The following WWOX variants were observed in gnomAD, a reference collection of about 807,000 sequenced individuals.
The protein encoded by WWOX is WW domain-containing oxidoreductase.
A neutral mutation model predicts 46.2 loss-of-function variants in WWOX; 69 were observed. The ratio of observed to expected loss-of-function variants is 1.49; its 90% CI spans 1.23 to 1.82. WWOX has a LOEUF of 1.82. Ranked by LOEUF, WWOX falls within the 40% of genes most tolerant of loss-of-function variation. WWOX has a pLI of 0.00. For missense variants in WWOX, 919 were observed against 542.6 expected (o/e 1.69, Z -6.89); for synonymous variants, 359 against 202.6 (o/e 1.77, Z -6.56).
At chr16:78,162,701 T>G (rs2034836546) in intron 4 of WWOX, among the ~76,000 whole-genome samples, 1 of 152,184 alleles carries the variant, frequency 6.6e-6, no homozygotes, top group African/African-American at 2.4e-5. Flanking sequence ...CTTAGTCTAT[T>G]TCACTTGTTT....
At chr16:78,331,921 A>G (rs921651745) in intron 5 of WWOX, among the ~76,000 whole-genome samples, 4 of 152,216 alleles carry the variant, frequency 2.6e-5, no homozygotes, top group African/African-American at 7.2e-5. Flanking sequence ...GCAATGTGCC[A>G]ACAGGGAGAA....
chr16:78,623,230 A>G (rs1431946823), intron 8 of WWOX, among the ~76,000 whole-genome samples: 1 of 152,142 alleles, frequency 6.6e-6, no homozygotes, highest in Non-Finnish European at 1.5e-5. Flanking sequence ...TAAGCTGTTA[A>G]GCTTTTGGTA....
chr16:78,853,359 C>A (rs2052494304), intron 8 of WWOX, among the ~76,000 whole-genome samples: 1 of 152,144 alleles, frequency 6.6e-6, no homozygotes, highest in Non-Finnish European at 1.5e-5. Flanking sequence ...ATTACAGGCG[C>A]ATGCCACGAA....
chr16:78,805,995 A>G (rs1485927089), intron 8 of WWOX, among the ~76,000 whole-genome samples: 1 of 152,210 alleles, frequency 6.6e-6, no homozygotes, highest in Non-Finnish European at 1.5e-5. Flanking sequence ...CTCTTAAGAC[A>G]AGAAATCTTT....
chr16:78,174,660 T>C (rs2035273827), intron 5 of WWOX, among the ~76,000 whole-genome samples: 1 of 152,184 alleles, frequency 6.6e-6, no homozygotes, highest in African/African-American at 2.4e-5. Context: ...AGCCACTTCT[T>C]TCCTCAGCTT....
intron 8 of WWOX, among the ~76,000 whole-genome samples, chr16:79,071,107 T>C (rs532117635): frequency 3.9e-5 from 6 of 152,346 alleles, no homozygotes; most frequent in African/African-American, 1.4e-4. Flanking sequence ...ATTTATTCCA[T>C]AGACTGTGAA....
rs936716519 is a variant in WWOX at position 78,619,426 on chromosome 16, C to G, written c.1056+186674C>G. Among the ~76,000 whole-genome samples the G allele has an allele frequency of 2.8e-5, 4 of 144,572 alleles. No individual in the cohort carries two copies. The Admixed American group carries it at 2.8e-4, about 10-fold the overall frequency. 94.8% of individuals were successfully genotyped at this position (144,572 alleles called of 152,430 possible). Reference sequence around the variant, plus strand: ...CACACACTCCAGGTGTATATCTCAACAAATTTGTACACACTGCATGCACAT... The same window carrying G: ...CACACACTCCAGGTGTATATCTCAAGAAATTTGTACACACTGCATGCACAT... On this transcript the variant is annotated intron_variant, in intron 8 of 8. Transcript: ENST00000566780.
intron 8 of WWOX, among the ~76,000 whole-genome samples, chr16:78,716,030 T>A (rs1341161823): frequency 6.6e-6 from 1 of 151,580 alleles, no homozygotes; most frequent in African/African-American, 2.4e-5. Flanking sequence ...TGCATTCTGA[T>A]AATCATTATC....
At chr16:78,706,338 G>A (rs1241008320) in intron 8 of WWOX, among the ~76,000 whole-genome samples, 1 of 152,014 alleles carries the variant, frequency 6.6e-6, no homozygotes, top group South Asian at 2.1e-4. Flanking sequence ...CCAGGCTAAA[G>A]CACCCTTGCC....
chr16:78,313,873 A>T (rs2080300180), intron 5 of WWOX, among the ~76,000 whole-genome samples: 1 of 152,158 alleles, frequency 6.6e-6, no homozygotes, highest in African/African-American at 2.4e-5. Flanking sequence ...CATTCATCAG[A>T]ATTCATTCTC....
intron 8 of WWOX, among the ~76,000 whole-genome samples, chr16:78,528,990 A>G (rs1402757660): frequency 8.0e-6 from 1 of 124,536 alleles, no homozygotes; most frequent in Non-Finnish European, 1.6e-5. Context: ...GTCTGGCTGT[A>G]TTGCCCAGGC....
At chr16:78,527,991 C>CTGTTTTTTTTTTTTT (rs2043519038) in intron 8 of WWOX, among the ~76,000 whole-genome samples, 1 of 34,882 alleles carries the variant, frequency 2.9e-5, no homozygotes. Flanking sequence ...GGTACATGTC[C>CTGTTTTTTTTTTTTT]TTTTTTTTTT....
At chr16:78,625,815 T>C (rs1396762801) in intron 8 of WWOX, among the ~76,000 whole-genome samples, 30 of 148,092 alleles carry the variant, frequency 2.0e-4, no homozygotes, top group Non-Finnish European at 4.2e-4. Flanking sequence ...ACTGCAAAAG[T>C]AATTGGCAAA....
At chr16:79,060,466 T>C (rs762402975) in intron 8 of WWOX, among the ~76,000 whole-genome samples, 6 of 152,244 alleles carry the variant, frequency 3.9e-5, no homozygotes, top group Admixed American at 1.3e-4. Flanking sequence ...CTTCAAGTTA[T>C]GCTTTGTGCA....
At chr16:78,304,043 C>G (rs1168464695) in intron 5 of WWOX, among the ~76,000 whole-genome samples, 3 of 152,314 alleles carry the variant, frequency 2.0e-5, no homozygotes, top group African/African-American at 4.8e-5. Flanking sequence ...GGAGCCAGCC[C>G]TTTGTTTACT....
At chr16:78,638,283 C>T (rs530839124) in intron 8 of WWOX, among the ~76,000 whole-genome samples, 2 of 152,284 alleles carry the variant, frequency 1.3e-5, no homozygotes, top group East Asian at 1.9e-4. Context: ...GGGGCAGAGT[C>T]AGGATCTGAA....
chr16:78,642,097 C>T lies in WWOX; in HGVS notation c.1056+209345C>T, dbSNP rs985100363. On this transcript the variant is annotated intron_variant, in intron 8 of 8. Coordinates refer to ENST00000566780, the MANE Select transcript of WWOX (RefSeq NM_016373.4). ...GTGACATGCCTGTGTAGGAGACTGTCTGTCCCCCAAATAATTGACAATTTC... is the reference window on the plus strand; with the variant it reads ...GTGACATGCCTGTGTAGGAGACTGTTTGTCCCCCAAATAATTGACAATTTC... 2.0e-5 allele frequency among the ~76,000 whole-genome samples: 3 copies of T among 152,140 alleles called. No individual in the cohort carries two copies. In the South Asian group the frequency reaches 6.2e-4, roughly 32 times the overall value.
chr16:78,812,581 C>T (rs2051218291), intron 8 of WWOX, among the ~76,000 whole-genome samples: 1 of 151,882 alleles, frequency 6.6e-6, no homozygotes, highest in African/African-American at 2.4e-5. Flanking sequence ...AAAAAAATTG[C>T]CAGGCCTAGG....
At chr16:78,679,464 T>A (rs2047679240) in intron 8 of WWOX, among the ~76,000 whole-genome samples, 1 of 151,602 alleles carries the variant, frequency 6.6e-6, no homozygotes, top group South Asian at 2.1e-4. Flanking sequence ...GGCAGGAGAG[T>A]CACTTGATCC....
Sources: allele counts gnomAD v4.1 joint callset (sites outside exome capture counted in the v4.1 genomes callset), GRCh38; gene constraint gnomAD v4.1.1; transcripts MANE v1.5; gene names NCBI Gene and HGNC (gene_info 2026-07-23, HGNC 2026-07-21).